The following RTTN variants were observed in gnomAD, a reference collection of about 807,000 sequenced individuals.
The protein encoded by RTTN is rotatin.
Under a neutral mutation model 269.2 loss-of-function variants are expected in RTTN, and 182 were observed. That is an observed-to-expected ratio of 0.68 (90% CI 0.60 to 0.76). RTTN has a LOEUF of 0.76. Among genes scored for constraint, RTTN ranks in the 30% least tolerant of loss-of-function variants. The probability of loss-of-function intolerance (pLI) is 0.00; values close to 1 mark genes in which losing one functional copy is unlikely to be tolerated. For synonymous variants in RTTN, 1,006 were observed against 963.5 expected, an observed-to-expected ratio of 1.04 and a Z score of -0.82; for missense variants, 2,545 against 2,608.6, an observed-to-expected ratio of 0.98 and a Z score of 0.53.
intron 23 of RTTN, among the ~76,000 whole-genome samples, chr18:70,132,217 T>C (rs1215376990): frequency 6.6e-6 from 1 of 152,056 alleles, no homozygotes; most frequent in Non-Finnish European, 1.5e-5. Flanking sequence ...TTAACATGCC[T>C]CTCTGCTACC....
intron 28 of RTTN, among the ~76,000 whole-genome samples, chr18:70,099,398 C>T (rs12041393): frequency 0.83 from 126,438 of 152,220 alleles, 55,639 homozygotes; most frequent in East Asian, 1. Context: ...GAAGTGTCTG[C>T]TCATATCCTT....
chr18:70,100,062 G>C (rs551052483), intron 28 of RTTN, among the ~76,000 whole-genome samples: 5 of 152,222 alleles, frequency 3.3e-5, no homozygotes, highest in Non-Finnish European at 1.5e-5. Flanking sequence ...TGGCAATGCA[G>C]GCTCTTTTTT....
chr18:70,015,674 G>A (rs1210550602), intron 46 of RTTN, among the ~76,000 whole-genome samples: 1 of 152,158 alleles, frequency 6.6e-6, no homozygotes, highest in Non-Finnish European at 1.5e-5. Flanking sequence ...TCTGCTTTAA[G>A]CTAATGAAGG....
intron 28 of RTTN, among the ~76,000 whole-genome samples, chr18:70,099,460 T>G (rs1326167536): frequency 6.6e-6 from 1 of 152,194 alleles, no homozygotes; most frequent in East Asian, 1.9e-4. Context: ...CTTTAAGTTC[T>G]TTATAGATTC....
At chr18:70,066,100 C>T (rs948700676) in intron 34 of RTTN, among the ~76,000 whole-genome samples, 178 bp from the exon 35 acceptor site, 4 of 151,996 alleles carry the variant, frequency 2.6e-5, no homozygotes, top group Admixed American at 2.0e-4. Flanking sequence ...ATGGCATTTC[C>T]ACTTCTTAAA....
At chr18:70,189,863 G>A (rs1390280782) in intron 9 of RTTN, among the ~76,000 whole-genome samples, 1 of 152,148 alleles carries the variant, frequency 6.6e-6, no homozygotes, top group Admixed American at 6.5e-5. Flanking sequence ...TGTTATTGCT[G>A]TTACCATTGT....
At chr18:70,059,490 T>C (rs2057913845) in intron 36 of RTTN, among the ~76,000 whole-genome samples, 1 of 152,194 alleles carries the variant, frequency 6.6e-6, no homozygotes, top group South Asian at 2.1e-4. Context: ...ATTATTCTGA[T>C]ATGACCACTA....
chr18:70,161,065 G>C (rs1448836596), intron 14 of RTTN, among the ~76,000 whole-genome samples: 2 of 152,132 alleles, frequency 1.3e-5, no homozygotes, highest in Non-Finnish European at 2.9e-5. Flanking sequence ...AAAGAACAAA[G>C]CTGGAGGCAT....
intron 11 of RTTN, among the ~76,000 whole-genome samples, chr18:70,170,458 G>C (rs1010377049): frequency 6.6e-6 from 1 of 152,374 alleles, no homozygotes; most frequent in East Asian, 1.9e-4. Context: ...CAAAGTAGTA[G>C]AGGAAGGCCT....
intron 28 of RTTN, among the ~76,000 whole-genome samples, chr18:70,100,267 T>G (rs2059122928): frequency 6.6e-6 from 1 of 152,168 alleles, no homozygotes; most frequent in African/African-American, 2.4e-5. Context: ...GAGCAGTGGT[T>G]TGCAGTTCTC....
At chr18:70,077,756 T>C (rs2058465072) in intron 32 of RTTN, among the ~76,000 whole-genome samples, 1 of 151,858 alleles carries the variant, frequency 6.6e-6, no homozygotes, top group African/African-American at 2.4e-5. Context: ...ATCTATCAAA[T>C]AAAGTTTAGA....
At chr18:70,030,241 C>A in intron 41 of RTTN, 132 bp from the exon 42 acceptor site, 1 of 598,310 alleles carries the variant, frequency 1.7e-6, no homozygotes. Flanking sequence ...AATTTTCAGT[C>A]AGAGATTAAT....
rs757119049 is a variant in RTTN, at chr18:70,168,901, T to C, written c.1643A>G (p.Tyr548Cys). The change falls in exon 12 of 49, where the codon TAT becomes TGT. Residue 548 changes from tyrosine to cysteine, a missense_variant. Physicochemically the swap from Tyr to Cys is radical, Grantham distance 194. Transcript: ENST00000640769. ...GAAGTTACAGGTGCATTCAATTGAATAAACGGCCTCTGCAGTTCGTTTATA... is the reference window on the plus strand; with the variant it reads ...GAAGTTACAGGTGCATTCAATTGAACAAACGGCCTCTGCAGTTCGTTTATA... ...SIYKRTAEAV[Y>C]SIECTCNFLS... 15 of 1,613,386 alleles carry C rather than the reference T, an allele frequency of 9.3e-6. No individual in the cohort carries two copies. Among genetic ancestry groups the C allele is most frequent in the African/African-American group, 1.3e-5 (1 of 75,050 alleles).
intron 14 of RTTN, among the ~76,000 whole-genome samples, chr18:70,163,960 A>G (rs753514549): frequency 6.6e-6 from 1 of 152,204 alleles, no homozygotes; most frequent in Non-Finnish European, 1.5e-5. Context: ...GAAATAAGCC[A>G]GTAACAAAAA....
rs2057755648 is a variant in RTTN at position 70,054,294 on chromosome 18, A to C, written c.5032-10T>G. On this transcript the variant is annotated splice_polypyrimidine_tract_variant and intron_variant, in intron 37 of 48. Transcript: ENST00000640769. ...CCAGGAGAAAGGAAACCTGTTTGAA[A>C]AGGAGACAGGGTCAAATCAAACATG... The C allele has an allele frequency of 1.9e-6, 3 of 1,604,236 alleles. No individual in the cohort carries two copies. The highest frequency in any genetic ancestry group is 1.3e-5 in the African/African-American group (1 of 74,554).
At chr18:70,055,979 G>A (rs1207778353) in intron 37 of RTTN, among the ~76,000 whole-genome samples, 1 of 152,116 alleles carries the variant, frequency 6.6e-6, no homozygotes, top group Admixed American at 6.6e-5. Flanking sequence ...CTGCTTAAGT[G>A]TCACCTTCAG....
rs576605607 is a variant in RTTN, at chr18:70,092,095, C to G, written c.4143+15G>C. 2.6e-6 allele frequency: 4 copies of G among 1,524,880 alleles called. No homozygotes were observed. Among genetic ancestry groups the G allele is most frequent in the Non-Finnish European group, 3.6e-6 (4 of 1,100,336 alleles). 94.5% of individuals were successfully genotyped at this position (1,524,880 alleles called of 1,614,324 possible). A position where few individuals can be genotyped will look rare whatever the true frequency, so the allele number is the denominator to read the frequency against. Reference sequence around the variant, plus strand: ...TAATCTAAACACAATACACTTGATTCTCCTTCACACTCACCTCTGGGTCCC... The same window carrying G: ...TAATCTAAACACAATACACTTGATTGTCCTTCACACTCACCTCTGGGTCCC... On this transcript the variant is annotated intron_variant, in intron 30 of 48. Transcript: ENST00000640769.
chr18:70,021,290 G>C (rs1454293769), intron 44 of RTTN: 1 of 152,716 alleles, frequency 6.5e-6, no homozygotes, highest in Admixed American at 6.5e-5. Flanking sequence ...TGTTGTTCAA[G>C]GTCATACAGC....
At chr18:70,075,319 A>C in intron 33 of RTTN, 33 bp downstream of exon 33, 1 of 1,420,938 alleles carries the variant, frequency 7.0e-7, no homozygotes, top group Non-Finnish European at 9.5e-7. Context: ...GTTACATATT[A>C]CAAAAATAAA....
Sources: gnomAD v4.1 joint callset for allele counts (sites outside exome capture counted in the v4.1 genomes callset) on GRCh38, gnomAD v4.1.1 for gene constraint, MANE v1.5 for transcripts, NCBI Gene and HGNC (gene_info 2026-07-23, HGNC 2026-07-21) for gene names.